PHF7: variants seen among roughly 807,000 people sequenced by gnomAD.
PHF7 encodes PHD finger protein 7.
Under a neutral mutation model 47.5 loss-of-function variants are expected in PHF7, and 24 were observed. That is an observed-to-expected ratio of 0.51 (90% confidence interval 0.37 to 0.71). The LOEUF is 0.71. PHF7 is among the 30% of genes least tolerant of loss of function. The probability of loss-of-function intolerance (pLI) is 0.00; values close to 1 mark genes in which losing one functional copy is unlikely to be tolerated. For synonymous variants in PHF7, 156 were observed against 153.8 expected (o/e 1.01, Z -0.11); for missense variants, 361 against 456.8 (o/e 0.79, Z 1.91).
rs1363621463 is a variant in PHF7, at chr3:52,410,870, T to G, written c.-447T>G. 1.3e-5 allele frequency: 2 copies of G among 152,324 alleles called. No homozygotes were observed. Among genetic ancestry groups the G allele is most frequent in the Non-Finnish European group, 2.9e-5 (2 of 68,084 alleles). The allele number at this position is 152,324 out of a possible 1,614,324, so 9.4% of individuals were successfully genotyped here. ...CACTGGCCGCCCGGCAGGCGCGACA[T>G]GAGCCTGGTCTGGCATCCGCGGGAT... is the stretch of plus-strand genomic sequence containing the variant. On this transcript the variant is annotated 5_prime_UTR_variant, in exon 1 of 11. An upstream start codon of the reference 5' UTR is lost. Transcript: ENST00000327906.
At chr3:52,415,003 G>A (rs1422648815) in intron 4 of PHF7, among the ~76,000 whole-genome samples, 1 of 151,868 alleles carries the variant, frequency 6.6e-6, no homozygotes, top group African/African-American at 2.4e-5. Context: ...CTCAAAAAAA[G>A]AAAAATATAT....
At chr3:52,417,635 T>C (rs1705664150) in intron 4 of PHF7, among the ~76,000 whole-genome samples, 1 of 152,242 alleles carries the variant, frequency 6.6e-6, no homozygotes, top group South Asian at 2.1e-4. Context: ...TATCCTGTAA[T>C]CTTGTTAAAT....
chr3:52,416,606 G>C (rs907926384), intron 4 of PHF7, among the ~76,000 whole-genome samples: 1 of 151,494 alleles, frequency 6.6e-6, no homozygotes, highest in African/African-American at 2.4e-5. Context: ...AGGCCGAGGC[G>C]AGCAGATCAA....
intron 3 of PHF7, among the ~76,000 whole-genome samples, 180 bp from the exon 4 acceptor site, chr3:52,414,315 GA>G (rs1559598013): frequency 6.6e-6 from 1 of 152,138 alleles, no homozygotes; most frequent in Non-Finnish European, 1.5e-5. Context: ...ATTGTAACCA[GA>G]ATTATGTGAC....
intron 4 of PHF7, among the ~76,000 whole-genome samples, chr3:52,415,225 C>G (rs889984851): frequency 4.6e-5 from 7 of 151,936 alleles, no homozygotes; most frequent in Non-Finnish European, 8.8e-5. Context: ...AGAACGGAGT[C>G]TCACTCTCTT....
intron 9 of PHF7, 118 bp from the exon 10 acceptor site, chr3:52,422,642 C>A: frequency 1.9e-6 from 2 of 1,056,216 alleles, no homozygotes; most frequent in Non-Finnish European, 1.5e-6. Flanking sequence ...CCTCTCTGAG[C>A]CATACATTCA....
intron 1 of PHF7, among the ~76,000 whole-genome samples, chr3:52,411,610 C>A (rs1271647142): frequency 1.3e-5 from 2 of 152,222 alleles, no homozygotes; most frequent in Non-Finnish European, 2.9e-5. Context: ...CTGGAGTGAC[C>A]TGATTCACCC....
rs1244593215 is a variant in PHF7 at position 52,423,420 on chromosome 3, G to A, written c.*103G>A. On this transcript the variant is annotated 3_prime_UTR_variant, in exon 11 of 11. Transcript: ENST00000327906. ...CTGGGACTGTGAGACAAGGAAGCAG[G>A]GCCAGCAGTGAGACTATGAGCCAAG... The A allele has an allele frequency of 4.3e-6, 3 of 702,870 alleles. No individual in the cohort carries two copies. The highest frequency in any genetic ancestry group is 7.4e-6 in the Non-Finnish European group (3 of 408,058). 43.5% of individuals were successfully genotyped at this position (702,870 alleles called of 1,614,324 possible).
In PHF7 at chr3:52,420,344, A is replaced by T; in HGVS notation, c.322A>T (p.Ile108Phe). Residue 108 changes from isoleucine (I) to phenylalanine (F), a missense_variant, in exon 6 of 11, where the codon ATC (isoleucine) becomes TTC (phenylalanine). Coordinates refer to ENST00000327906, the MANE Select transcript of PHF7 (RefSeq NM_016483.7). ...CFVCKKKGAAINCQKDQCLRN... is the reference protein window; with the variant it reads ...CFVCKKKGAAFNCQKDQCLRN... ...TGTGTGCAAGAAAAAGGGAGCTGCTATCAACTGCCAGAAGGATCAGTGCCT... is the reference window on the plus strand; with the variant it reads ...TGTGTGCAAGAAAAAGGGAGCTGCTTTCAACTGCCAGAAGGATCAGTGCCT... 6 of 1,613,944 alleles carry T rather than the reference A, an allele frequency of 3.7e-6. No homozygotes were observed. Among genetic ancestry groups the T allele is most frequent in the Non-Finnish European group, 5.1e-6 (6 of 1,179,782 alleles).
chr3:52,423,377 G>T lies in PHF7; in HGVS notation c.*60G>T. The T allele has an allele frequency of 9.0e-7, 1 of 1,111,910 alleles. No homozygotes were observed. The allele number at this position is 1,111,910 out of a possible 1,614,324, so 68.9% of individuals were successfully genotyped here. A position where few individuals can be genotyped will look rare whatever the true frequency, so the allele number is the denominator to read the frequency against. ...GTATGAAGCTGCGCTCCTCCATCGG[G>T]TTTGGGGAGGGAGCACTCTGGGACT... is the stretch of plus-strand genomic sequence containing the variant. On this transcript the variant is annotated 3_prime_UTR_variant, in exon 11 of 11. Coordinates refer to ENST00000327906, the MANE Select transcript of PHF7 (RefSeq NM_016483.7).
chr3:52,422,183 C>A (rs757959446), intron 8 of PHF7, 39 bp from the exon 9 acceptor site: 8 of 1,368,188 alleles, frequency 5.8e-6, no homozygotes, highest in Non-Finnish European at 8.4e-6. Flanking sequence ...TTTCACCAAC[C>A]CATTATGTTC....
chr3:52,419,385 A>G lies in PHF7; in HGVS notation c.187-448A>G, dbSNP rs1346080041. ...TTGGTGCCATGTAAGCCTTCATTAA[A>G]TAAATTACCCTGTCAATGCATATAT... On this transcript the variant is annotated intron_variant, in intron 4 of 10. Coordinates refer to ENST00000327906, the MANE Select transcript of PHF7 (RefSeq NM_016483.7). Among the ~76,000 whole-genome samples the G allele has an allele frequency of 2.6e-5, 4 of 152,082 alleles. No homozygotes were observed. In the East Asian group the frequency reaches 5.8e-4, roughly 22 times the overall value.
rs79070873 is a variant in PHF7, at chr3:52,420,045, T to A, written c.288+111T>A. ...TCCTAGTTTAGATGTCAAAGGACTC[T>A]TGGATTTTCCAACTAGTCCTTAAGT... is the stretch of plus-strand genomic sequence containing the variant. On this transcript the variant is annotated intron_variant, in intron 5 of 10. Coordinates refer to ENST00000327906, the MANE Select transcript of PHF7 (RefSeq NM_016483.7). The A allele has an allele frequency of 9.9e-3, 7,622 of 771,344 alleles. 112 individuals are homozygous for A. Among genetic ancestry groups the A allele is most frequent in the Middle Eastern group, 0.014 (59 of 4,180 alleles). 47.8% of individuals were successfully genotyped at this position (771,344 alleles called of 1,614,324 possible). A position where few individuals can be genotyped will look rare whatever the true frequency, so the allele number is the denominator to read the frequency against.
intron 4 of PHF7, among the ~76,000 whole-genome samples, chr3:52,416,874 G>A (rs1158755880): frequency 1.3e-5 from 2 of 150,916 alleles, no homozygotes; most frequent in African/African-American, 4.9e-5. Context: ...TTATTGAGTT[G>A]TAGGAATTGC....
At position 52,423,459 on chromosome 3, in the gene PHF7, C is replaced by G; in HGVS notation, c.*142C>G. The G allele has an allele frequency of 3.2e-6, 2 of 616,092 alleles. No homozygotes were observed. Among genetic ancestry groups the G allele is most frequent in the Non-Finnish European group, 5.8e-6 (2 of 344,334 alleles). 38.2% of individuals were successfully genotyped at this position (616,092 alleles called of 1,614,324 possible). A position where few individuals can be genotyped will look rare whatever the true frequency, so the allele number is the denominator to read the frequency against. ...CTATGAGCCAAGCAAAGAGAAGTCT[C>G]AGTGGAGCATGAGGAGGGAGCAGTC... On this transcript the variant is annotated 3_prime_UTR_variant, in exon 11 of 11. Transcript: ENST00000327906.
At chr3:52,421,365 GAA>G (rs957173881) in intron 7 of PHF7, among the ~76,000 whole-genome samples, 2 of 152,212 alleles carry the variant, frequency 1.3e-5, no homozygotes, top group African/African-American at 4.8e-5. Context: ...TGGGATGAAA[GAA>G]AAGGGAAACA....
At chr3:52,411,885 C>T (rs1705453655) in intron 1 of PHF7, among the ~76,000 whole-genome samples, 1 of 152,176 alleles carries the variant, frequency 6.6e-6, no homozygotes, top group Non-Finnish European at 1.5e-5. Flanking sequence ...TGGGTACAGA[C>T]CATATCTCAG....
chr3:52,412,938 A>G lies in PHF7; in HGVS notation c.41+18A>G. On this transcript the variant is annotated intron_variant, in intron 2 of 10. Coordinates refer to ENST00000327906, the MANE Select transcript of PHF7 (RefSeq NM_016483.7). ...AGATTGAGGTAGAAGTAGTTGACAT[A>G]GGGAATTTGGGAGAAATTGTCCAAT... is the stretch of plus-strand genomic sequence containing the variant. 1 of 1,599,854 alleles carries G rather than the reference A, an allele frequency of 6.3e-7. No homozygotes were observed. Among genetic ancestry groups the G allele is most frequent in the Non-Finnish European group, 8.6e-7 (1 of 1,168,216 alleles).
At chr3:52,420,087 G>A in intron 5 of PHF7, 153 bp downstream of exon 5, 1 of 741,016 alleles carries the variant, frequency 1.3e-6, no homozygotes, top group Admixed American at 2.0e-5. Flanking sequence ...TTCCTCTGGG[G>A]TATGGGTGTC....
Sources: gnomAD v4.1 joint callset for allele counts (sites outside exome capture counted in the v4.1 genomes callset) on GRCh38, gnomAD v4.1.1 for gene constraint, MANE v1.5 for transcripts, NCBI Gene and HGNC (gene_info 2026-07-23, HGNC 2026-07-21) for gene names.